Variants in CHRNA5 observed in about 807,000 individuals in gnomAD.
CHRNA5 encodes neuronal acetylcholine receptor subunit alpha-5.
Under a neutral mutation model 41.2 loss-of-function variants are expected in CHRNA5, and 28 were observed. That is an observed-to-expected ratio of 0.68 (90% CI 0.50 to 0.93). The LOEUF (loss-of-function observed/expected upper bound fraction) is 0.93, where lower values mean the gene tolerates loss of function less well. CHRNA5 is among the 40% of genes least tolerant of loss of function. CHRNA5 has a pLI of 0.00. For synonymous variants in CHRNA5, 188 were observed against 205.8 expected (o/e 0.91, Z 0.74); for missense variants, 481 against 581.9 (o/e 0.83, Z 1.78).
intron 2 of CHRNA5, among the ~76,000 whole-genome samples, chr15:78,586,085 C>T (rs138540432): frequency 1.3e-3 from 199 of 152,212 alleles, no homozygotes; most frequent in African/African-American, 4.4e-3. Context: ...TAAGCCACTG[C>T]GCCCAGCCCT....
At chr15:78,591,701 CTTATT>C (rs962167424) in intron 5 of CHRNA5, among the ~76,000 whole-genome samples, 8 of 151,762 alleles carry the variant, frequency 5.3e-5, no homozygotes, top group African/African-American at 9.7e-5. Flanking sequence ...ACTTTCCTTC[CTTATT>C]TTATTGTATT....
chr15:78,570,559 C>A (rs192605230), intron 1 of CHRNA5, among the ~76,000 whole-genome samples: 27 of 151,684 alleles, frequency 1.8e-4, no homozygotes, highest in Admixed American at 1.5e-3. Context: ...TGTGAGCCAC[C>A]ACGCCCGGCC....
chr15:78,570,662 A>C (rs986735244), intron 1 of CHRNA5, among the ~76,000 whole-genome samples: 3 of 152,104 alleles, frequency 2.0e-5, no homozygotes, highest in African/African-American at 7.2e-5. Flanking sequence ...ATAGGAGTTA[A>C]ATATGAATAT....
chr15:78,565,584 GCGGAGCGGCCCCT>G (rs1285611042), exon 1 of CHRNA5: 3 of 226,788 alleles, frequency 1.3e-5, no homozygotes. Flanking sequence ...GAGCTGTGGC[GCGGAGCGGCCCCT>G]CTGCTGCGTC....
At chr15:78,581,808 A>G (rs562936157) in intron 2 of CHRNA5, among the ~76,000 whole-genome samples, 16 of 152,204 alleles carry the variant, frequency 1.1e-4, no homozygotes, top group Non-Finnish European at 2.1e-4. Flanking sequence ...TTGGAATAAT[A>G]TTTTAGAAAT....
At chr15:78,589,326 A>G (rs1002358925) in intron 4 of CHRNA5, 2 of 152,896 alleles carry the variant, frequency 1.3e-5, no homozygotes, top group African/African-American at 4.8e-5. Context: ...TTGGTGGGAG[A>G]GCTTGAGAGG....
rs199753114 is a variant in CHRNA5, at chr15:78,586,711, G to A, written c.303+22G>A. ...ACAGGTATGTGTGTAAAATTCAAAC[G>A]GGCACCCAATTAGTGACTGGGACAC... On this transcript the variant is annotated intron_variant, in intron 3 of 5. Transcript: ENST00000299565. 1.3e-5 allele frequency: 21 copies of A among 1,580,048 alleles called. 1 individual carries two copies. Among genetic ancestry groups the A allele is most frequent in the East Asian group, 9.0e-5 (4 of 44,542 alleles).
chr15:78,579,609 A>G (rs1376347109), intron 1 of CHRNA5, among the ~76,000 whole-genome samples: 2 of 152,164 alleles, frequency 1.3e-5, no homozygotes, highest in Non-Finnish European at 2.9e-5. Context: ...CAGTATCCCT[A>G]TATCAGCATA....
At chr15:78,580,779 A>G in intron 1 of CHRNA5, 32 bp from the exon 2 acceptor site, 1 of 1,572,430 alleles carries the variant, frequency 6.4e-7, no homozygotes, top group Non-Finnish European at 8.7e-7. Flanking sequence ...GAGAGAAGCG[A>G]GTACATTAAC....
At position 78,582,495 on chromosome 15, in the gene CHRNA5, AGAAAAG is replaced by A. The variant is rs760082989; in HGVS notation, c.258+1534_258+1539del. Among the ~76,000 whole-genome samples, 80 of 138,438 alleles carry A rather than the reference AGAAAAG, an allele frequency of 5.8e-4. 5 individuals carry two copies. The highest frequency in any genetic ancestry group is 6.6e-4 in the Non-Finnish European group (44 of 66,812). 90.8% of individuals were successfully genotyped at this position (138,438 alleles called of 152,430 possible). A position where few individuals can be genotyped will look rare whatever the true frequency, so the allele number is the denominator to read the frequency against. ...GCAAGACTCTGTCTCAAAAAAAAAAAGAAAAGAAAAGAAAAAGTAAGGTGGGTGGGG... is the reference window on the plus strand; with the variant it reads ...GCAAGACTCTGTCTCAAAAAAAAAAAAAAAGAAAAAGTAAGGTGGGTGGGG... On this transcript the variant is annotated intron_variant, in intron 2 of 5. Transcript: ENST00000299565.
chr15:78,575,380 A>AT (rs945531301), intron 1 of CHRNA5, among the ~76,000 whole-genome samples: 6 of 151,324 alleles, frequency 4.0e-5, no homozygotes, highest in East Asian at 3.9e-4. Context: ...ATCCCATTTA[A>AT]TTTTTTTTTG....
intron 1 of CHRNA5, among the ~76,000 whole-genome samples, chr15:78,576,067 A>G (rs181962639): frequency 3.5e-4 from 54 of 152,244 alleles, no homozygotes; most frequent in African/African-American, 1.1e-3. Flanking sequence ...ATGATTTGCA[A>G]ATATTTTCTC....
chr15:78,583,124 C>T lies in CHRNA5; in HGVS notation c.258+2162C>T, dbSNP rs1288864729. 2.6e-5 allele frequency among the ~76,000 whole-genome samples: 4 copies of T among 151,924 alleles called. No individual in the cohort carries two copies. In the East Asian group the frequency reaches 7.7e-4, roughly 29 times the overall value. On this transcript the variant is annotated intron_variant, in intron 2 of 5. Transcript: ENST00000299565. ...TCTTCAAAGCTGGGTGAACTTTATT[C>T]CTTGTATCTGTCCCAGAACCTAGCA...
chr15:78,566,676 T>C (rs1334655020), intron 1 of CHRNA5, among the ~76,000 whole-genome samples: 4 of 152,214 alleles, frequency 2.6e-5, no homozygotes, highest in Non-Finnish European at 4.4e-5. Flanking sequence ...AGTGGAAATA[T>C]TGCAAGAACC....
At chr15:78,569,612 T>G (rs2052781555) in intron 1 of CHRNA5, among the ~76,000 whole-genome samples, 1 of 151,402 alleles carries the variant, frequency 6.6e-6, no homozygotes, top group South Asian at 2.1e-4. Context: ...TTTTTGTATT[T>G]TTAGTAGAGA....
chr15:78,591,818 G>C (rs965002406), intron 5 of CHRNA5, among the ~76,000 whole-genome samples: 26 of 152,150 alleles, frequency 1.7e-4, no homozygotes, highest in African/African-American at 6.3e-4. Context: ...TCTAATGCTT[G>C]TGGGTTTGTG....
At chr15:78,578,851 G>C (rs956236131) in intron 1 of CHRNA5, among the ~76,000 whole-genome samples, 2 of 152,064 alleles carry the variant, frequency 1.3e-5, no homozygotes, top group African/African-American at 4.8e-5. Context: ...AATATCATTA[G>C]TCTTAAGTAA....
intron 1 of CHRNA5, among the ~76,000 whole-genome samples, chr15:78,579,040 C>CTT (rs34178407): frequency 0.023 from 3,187 of 141,230 alleles, 83 homozygotes; most frequent in Non-Finnish European, 0.026. Context: ...TATATTTTGA[C>CTT]TTTTTTTTTT....
intron 3 of CHRNA5, among the ~76,000 whole-genome samples, chr15:78,587,443 A>AAG (rs2052970987): frequency 7.6e-6 from 1 of 131,910 alleles, no homozygotes; most frequent in African/African-American, 2.9e-5. Context: ...CGTTCCAGGC[A>AAG]GCAGGACCTA....
Sources: gnomAD v4.1 joint callset for allele counts (sites outside exome capture counted in the v4.1 genomes callset) on GRCh38, gnomAD v4.1.1 for gene constraint, MANE v1.5 for transcripts, NCBI Gene and HGNC (gene_info 2026-07-23, HGNC 2026-07-21) for gene names.